The following CRISPLD2 variants were observed in gnomAD, a reference collection of about 807,000 sequenced individuals.
CRISPLD2 encodes cysteine rich secretory protein LCCL domain containing 2.
In CRISPLD2, 47 loss-of-function variants were observed where a neutral mutation model predicts 71.1. The ratio of observed to expected loss-of-function variants is 0.66; its 90% CI spans 0.52 to 0.84. CRISPLD2 has a LOEUF of 0.84. Among genes scored for constraint, CRISPLD2 ranks in the 40% least tolerant of loss-of-function variants. The probability of loss-of-function intolerance (pLI) is 0.00; values close to 1 mark genes in which losing one functional copy is unlikely to be tolerated. For synonymous variants in CRISPLD2, 317 were observed against 250.1 expected, an observed-to-expected ratio of 1.27 and a Z score of -2.52; for missense variants, 830 against 651.1, an observed-to-expected ratio of 1.27 and a Z score of -2.99.
chr16:84,859,896 G>GT (rs1224546701), intron 6 of CRISPLD2, among the ~76,000 whole-genome samples: 2 of 152,218 alleles, frequency 1.3e-5, no homozygotes, highest in African/African-American at 4.8e-5. Flanking sequence ...AAATTTTGTA[G>GT]TTGAGTGACT....
intron 8 of CRISPLD2, among the ~76,000 whole-genome samples, chr16:84,870,194 CA>C (rs1259941346): frequency 2.0e-5 from 3 of 152,000 alleles, no homozygotes; most frequent in African/African-American, 7.3e-5. Context: ...AAAGCAATAA[CA>C]ACAACAAAAA....
At chr16:84,842,010 C>T (rs920712759) in intron 2 of CRISPLD2, 7 of 152,716 alleles carry the variant, frequency 4.6e-5, no homozygotes, top group East Asian at 1.9e-4. Flanking sequence ...GGGCGGGAGG[C>T]GGGGAGTGAA....
At chr16:84,870,594 G>T (rs1383848224) in intron 8 of CRISPLD2, among the ~76,000 whole-genome samples, 1 of 152,104 alleles carries the variant, frequency 6.6e-6, no homozygotes, top group Non-Finnish European at 1.5e-5. Flanking sequence ...TGGGATTACA[G>T]GCGTGAGCCA....
chr16:84,826,597 C>T (rs370089972), intron 1 of CRISPLD2, among the ~76,000 whole-genome samples: 2 of 151,982 alleles, frequency 1.3e-5, no homozygotes, highest in Non-Finnish European at 2.9e-5. Context: ...CCAGTCCGTT[C>T]GCCCCGGGAG....
In CRISPLD2 at chr16:84,849,273, C is replaced by T. The variant is rs1355233620; in HGVS notation, c.360-112C>T. 4.7e-6 allele frequency: 5 copies of T among 1,054,886 alleles called. No homozygotes were observed. In the African/African-American group the frequency reaches 5.1e-5, roughly 11 times the overall value. The allele number at this position is 1,054,886 out of a possible 1,614,324, so 65.3% of individuals were successfully genotyped here. On this transcript the variant is annotated intron_variant, in intron 3 of 14. Transcript: ENST00000262424. Reference sequence around the variant, plus strand: ...GCCCGTGGCTGCTCCTGGAATTGGCCGCTATTCACCCTCCTCGGCCTCCCT... The same window carrying T: ...GCCCGTGGCTGCTCCTGGAATTGGCTGCTATTCACCCTCCTCGGCCTCCCT...
chr16:84,875,648 A>C (rs1054040454), intron 11 of CRISPLD2, among the ~76,000 whole-genome samples: 7 of 150,750 alleles, frequency 4.6e-5, no homozygotes, highest in Non-Finnish European at 1.0e-4. Flanking sequence ...CCTCCTCCTC[A>C]TGGGTTCAAG....
chr16:84,862,291 C>T (rs767548691), intron 6 of CRISPLD2, among the ~76,000 whole-genome samples: 1 of 152,072 alleles, frequency 6.6e-6, no homozygotes, highest in Admixed American at 6.5e-5. Flanking sequence ...CAGCCTCAAC[C>T]TCCCGGCCTC....
intron 13 of CRISPLD2, among the ~76,000 whole-genome samples, chr16:84,887,486 C>G (rs762638575): frequency 6.6e-6 from 1 of 152,228 alleles, no homozygotes; most frequent in African/African-American, 2.4e-5. Flanking sequence ...AATTAGCAAG[C>G]TGCTGCCGGG....
rs1255198312 is a variant in CRISPLD2, at chr16:84,838,636, C to A, written c.141C>A (p.Val47=). The change falls in exon 2 of 15, where the codon GTC becomes GTA. Residue 47 remains valine, a synonymous_variant. Coordinates refer to ENST00000262424, the MANE Select transcript of CRISPLD2 (RefSeq NM_031476.4). ...AGCACAACGAGTCTCACTCCCGGGTCCGCAGAGCCATCCCCAGGGAGGACA... is the reference window on the plus strand; with the variant it reads ...AGCACAACGAGTCTCACTCCCGGGTACGCAGAGCCATCCCCAGGGAGGACA... ...KYQHNESHSR[V]RRAIPREDKE... The A allele has an allele frequency of 5.0e-6, 8 of 1,614,266 alleles. No individual in the cohort carries two copies. Among genetic ancestry groups the A allele is most frequent in the South Asian group, 1.1e-5 (1 of 91,088 alleles).
At chr16:84,893,032 G>T (rs908009804) in intron 14 of CRISPLD2, among the ~76,000 whole-genome samples, 1 of 148,902 alleles carries the variant, frequency 6.7e-6, no homozygotes, top group African/African-American at 2.5e-5. Context: ...TCACGCACCT[G>T]TGCTGGGACC....
intron 6 of CRISPLD2, among the ~76,000 whole-genome samples, chr16:84,859,086 A>G (rs904558695): frequency 1.3e-5 from 2 of 151,904 alleles, no homozygotes; most frequent in Admixed American, 6.5e-5. Flanking sequence ...TTGATTTACT[A>G]TTTTTCTAGG....
chr16:84,883,272 G>C (rs542333241), intron 13 of CRISPLD2, among the ~76,000 whole-genome samples: 1 of 152,340 alleles, frequency 6.6e-6, no homozygotes, highest in South Asian at 2.1e-4. Flanking sequence ...TTAGCTAAGA[G>C]ATTGATTTTG....
intron 6 of CRISPLD2, among the ~76,000 whole-genome samples, chr16:84,864,083 A>G (rs978307784): frequency 6.6e-6 from 1 of 152,176 alleles, no homozygotes; most frequent in African/African-American, 2.4e-5. Context: ...AGCTCCGGGC[A>G]TGGTCACCAG....
chr16:84,835,378 C>A (rs1389597882), intron 1 of CRISPLD2, among the ~76,000 whole-genome samples: 10 of 152,208 alleles, frequency 6.6e-5, no homozygotes, highest in Admixed American at 6.5e-4. Context: ...GGCCACCATG[C>A]CCGGCCTATG....
intron 1 of CRISPLD2, among the ~76,000 whole-genome samples, chr16:84,838,155 C>T (rs147958370): frequency 2.6e-5 from 4 of 152,200 alleles, no homozygotes; most frequent in Admixed American, 6.5e-5. Context: ...TGCAGGGACT[C>T]GCTCAAGGAA....
rs1227105142 is a variant in CRISPLD2, at chr16:84,872,334, C to T, written c.915-108C>T. On this transcript the variant is annotated intron_variant, in intron 8 of 14. Transcript: ENST00000262424. ...AACAATGGAATCCACATGAATGAAG[C>T]TTTTCTATATTTAGTAATAGAGCCA... The T allele has an allele frequency of 1.6e-5, 15 of 933,206 alleles. No homozygotes were observed. The East Asian group carries it at 3.8e-4, about 24-fold the overall frequency. 57.8% of individuals were successfully genotyped at this position (933,206 alleles called of 1,614,324 possible). A position where few individuals can be genotyped will look rare whatever the true frequency, so the allele number is the denominator to read the frequency against.
At chr16:84,856,920 C>G (rs2143238134) in intron 6 of CRISPLD2, among the ~76,000 whole-genome samples, 1 of 152,318 alleles carries the variant, frequency 6.6e-6, no homozygotes, top group Non-Finnish European at 1.5e-5. Context: ...TTCTGTGAGT[C>G]CACGGATGGT....
chr16:84,833,111 T>C (rs1387164130), intron 1 of CRISPLD2, among the ~76,000 whole-genome samples: 1 of 152,192 alleles, frequency 6.6e-6, no homozygotes. Context: ...CTGGACTCAG[T>C]TGCACTTTCT....
chr16:84,902,203 A>T (rs1030606677), intron 14 of CRISPLD2, among the ~76,000 whole-genome samples: 3 of 152,206 alleles, frequency 2.0e-5, no homozygotes, highest in African/African-American at 7.2e-5. Flanking sequence ...ATCGGCTTTT[A>T]TTAGCAATTC....
Sources: gnomAD v4.1 joint callset for allele counts (sites outside exome capture counted in the v4.1 genomes callset) on GRCh38, gnomAD v4.1.1 for gene constraint, MANE v1.5 for transcripts, NCBI Gene and HGNC (gene_info 2026-07-23, HGNC 2026-07-21) for gene names.